FSTL4: variants seen among roughly 807,000 people sequenced by gnomAD.
FSTL4 encodes the protein follistatin like 4.
Under a neutral mutation model 78.2 loss-of-function variants are expected in FSTL4, and 28 were observed. That is an observed-to-expected ratio of 0.36 (90% CI 0.27 to 0.49). The LOEUF (loss-of-function observed/expected upper bound fraction) is 0.49. FSTL4 is among the 20% of genes least tolerant of loss of function. The probability of loss-of-function intolerance (pLI) is 0.98; values close to 1 mark genes in which losing one functional copy is unlikely to be tolerated. For synonymous variants in FSTL4, 422 were observed against 440.5 expected, an observed-to-expected ratio of 0.96 and a Z score of 0.53; for missense variants, 922 against 1,084.9, an observed-to-expected ratio of 0.85 and a Z score of 2.11.
the FSTL4 span, among the ~76,000 whole-genome samples, chr5:133,819,588 G>A: frequency 1.2e-4 from 18 of 152,296 alleles, no homozygotes; most frequent in South Asian, 1.5e-3. Context: ...TCATAGCACC[G>A]TTGGAGGCGC....
At chr5:133,800,956 G>A in the FSTL4 span, among the ~76,000 whole-genome samples, 1 of 152,078 alleles carries the variant, frequency 6.6e-6, no homozygotes, top group Non-Finnish European at 1.5e-5. Context: ...GTGGGGAGGT[G>A]GGGAGCAGCC....
chr5:133,441,601 G>C (rs140431359), intron 3 of FSTL4, among the ~76,000 whole-genome samples: 7 of 152,346 alleles, frequency 4.6e-5, no homozygotes, highest in East Asian at 1.9e-4. Flanking sequence ...GCAAGTGATA[G>C]ACAGGGCTAC....
chr5:133,352,106 TG>T (rs1754834856), intron 4 of FSTL4, among the ~76,000 whole-genome samples: 1 of 151,806 alleles, frequency 6.6e-6, no homozygotes, highest in South Asian at 2.1e-4. Context: ...AGGTATACTG[TG>T]TGATGCTGGG....
At chr5:133,398,136 C>T (rs746794731) in intron 4 of FSTL4, among the ~76,000 whole-genome samples, 2 of 152,142 alleles carry the variant, frequency 1.3e-5, no homozygotes, top group African/African-American at 2.4e-5. Context: ...GTGAAGGTGA[C>T]GTGCTCACCC....
chr5:133,366,708 C>T (rs1256625204), intron 4 of FSTL4, among the ~76,000 whole-genome samples: 2 of 151,754 alleles, frequency 1.3e-5, no homozygotes, highest in Admixed American at 1.3e-4. Context: ...TCTGAACTCA[C>T]TGCAGCTCTT....
chr5:133,517,439 A>ATATAT (rs1221892095), intron 3 of FSTL4, among the ~76,000 whole-genome samples: 4 of 32,116 alleles, frequency 1.2e-4, no homozygotes, highest in African/African-American at 3.0e-4. Context: ...AAAAAAAAAA[A>ATATAT]AAAAAAAAAT....
At chr5:133,696,852 T>C in the FSTL4 span, among the ~76,000 whole-genome samples, 1 of 152,144 alleles carries the variant, frequency 6.6e-6, no homozygotes, top group Non-Finnish European at 1.5e-5. Flanking sequence ...CTGAAAATTA[T>C]GCTGTGAAAT....
chr5:133,593,879 C>T (rs952897221), intron 2 of FSTL4, among the ~76,000 whole-genome samples: 1 of 152,102 alleles, frequency 6.6e-6, no homozygotes, highest in African/African-American at 2.4e-5. Context: ...TCTGAAGCAG[C>T]TGATTGCTCC....
the FSTL4 span, chr5:133,720,487 G>A: frequency 3.3e-5 from 5 of 153,344 alleles, no homozygotes; most frequent in Admixed American, 3.3e-4. Flanking sequence ...TCCAAGTAGT[G>A]AAGAATTTTA....
At chr5:133,730,822 C>T in the FSTL4 span, among the ~76,000 whole-genome samples, 1 of 152,186 alleles carries the variant, frequency 6.6e-6, no homozygotes, top group Non-Finnish European at 1.5e-5. Flanking sequence ...AATTAGAGAA[C>T]ACAGTAGAAC....
intron 3 of FSTL4, among the ~76,000 whole-genome samples, chr5:133,448,417 C>A (rs25870): frequency 6.6e-6 from 1 of 152,076 alleles, no homozygotes; most frequent in Non-Finnish European, 1.5e-5. Context: ...GGTGTGTGGA[C>A]GGCTCTTTGT....
chr5:133,642,109 C>T, the FSTL4 span, among the ~76,000 whole-genome samples: 2 of 152,262 alleles, frequency 1.3e-5, no homozygotes, highest in South Asian at 4.2e-4. Context: ...CTGATTTCAC[C>T]AGTGAAATAC....
At chr5:133,364,394 G>A (rs1755133846) in intron 4 of FSTL4, among the ~76,000 whole-genome samples, 1 of 152,194 alleles carries the variant, frequency 6.6e-6, no homozygotes, top group Non-Finnish European at 1.5e-5. Context: ...CTAACCTCCT[G>A]ATCGAGGTGG....
chr5:133,380,331 T>G (rs10073531), intron 4 of FSTL4, among the ~76,000 whole-genome samples: 1,918 of 151,806 alleles, frequency 0.013, 45 homozygotes, highest in African/African-American at 0.043. Context: ...AAGTCTCGAA[T>G]TACTAAAAAT....
intron 3 of FSTL4, among the ~76,000 whole-genome samples, chr5:133,553,159 G>A (rs1220074619): frequency 6.6e-6 from 1 of 152,190 alleles, no homozygotes; most frequent in East Asian, 1.9e-4. Flanking sequence ...GGAACCCACA[G>A]TCTGTATCAA....
chr5:133,607,556 T>C (rs1480415473), intron 1 of FSTL4, among the ~76,000 whole-genome samples: 1 of 152,190 alleles, frequency 6.6e-6, no homozygotes, highest in East Asian at 1.9e-4. Flanking sequence ...GTGGCAAAAC[T>C]GAAATTCCAA....
chr5:133,837,968 G>A, the FSTL4 span, among the ~76,000 whole-genome samples: 2 of 152,074 alleles, frequency 1.3e-5, no homozygotes, highest in Admixed American at 1.3e-4. Flanking sequence ...GCTCACTGCA[G>A]CCTCTGTCTC....
chr5:133,456,533 C>A (rs1757494901), intron 3 of FSTL4, among the ~76,000 whole-genome samples: 1 of 152,234 alleles, frequency 6.6e-6, no homozygotes, highest in Non-Finnish European at 1.5e-5. Flanking sequence ...ACACTGCCTT[C>A]AAGACCCAGA....
chr5:133,685,920 C>A, the FSTL4 span, among the ~76,000 whole-genome samples: 1 of 152,300 alleles, frequency 6.6e-6, no homozygotes, highest in South Asian at 2.1e-4. Flanking sequence ...TTCTTATTCG[C>A]CACACAATCT....
Sources: gnomAD v4.1 joint callset for allele counts (sites outside exome capture counted in the v4.1 genomes callset) on GRCh38, gnomAD v4.1.1 for gene constraint, MANE v1.5 for transcripts, NCBI Gene and HGNC (gene_info 2026-07-23, HGNC 2026-07-21) for gene names.